Variants in PRELID2 observed in about 807,000 individuals in gnomAD.
PRELID2 encodes PRELI domain containing 2.
A neutral mutation model predicts 28.4 loss-of-function variants in PRELID2; 25 were observed. That is an observed-to-expected ratio of 0.88 (90% confidence interval 0.64 to 1.23). The LOEUF is 1.23. Ranked by LOEUF, PRELID2 falls within the 50% of genes most tolerant of loss-of-function variation. The pLI, the probability that PRELID2 is intolerant of heterozygous loss-of-function variation, is 0.00. For missense variants in PRELID2, 201 were observed against 214.4 expected (o/e 0.94, Z 0.39); for synonymous variants, 76 against 71.6 (o/e 1.06, Z -0.31).
intron 4 of PRELID2, among the ~76,000 whole-genome samples, chr5:145,810,284 T>G (rs1753837729): frequency 6.6e-6 from 1 of 152,190 alleles, no homozygotes; most frequent in Non-Finnish European, 1.5e-5. Flanking sequence ...AAATAGAGCA[T>G]GAGCATGGCA....
chr5:145,765,715 G>GA (rs1757708901), intron 5 of PRELID2, among the ~76,000 whole-genome samples: 1 of 152,166 alleles, frequency 6.6e-6, no homozygotes, highest in South Asian at 2.1e-4. Flanking sequence ...CCCATGACAA[G>GA]AGTTGTTCCT....
intron 1 of PRELID2, among the ~76,000 whole-genome samples, chr5:145,531,511 T>C (rs2126661702): frequency 6.6e-6 from 1 of 152,264 alleles, no homozygotes; most frequent in South Asian, 2.1e-4. Flanking sequence ...GTGGCCATCG[T>C]CTCACCCTTC....
chr5:145,610,398 C>A (rs554419850), intron 1 of PRELID2, among the ~76,000 whole-genome samples: 10 of 152,204 alleles, frequency 6.6e-5, no homozygotes, highest in African/African-American at 2.4e-4. Context: ...TGCTTCTAGT[C>A]CACCATCTTG....
intron 1 of PRELID2, among the ~76,000 whole-genome samples, chr5:145,520,779 C>A (rs978952265): frequency 2.6e-5 from 4 of 152,098 alleles, no homozygotes; most frequent in Non-Finnish European, 5.9e-5. Context: ...ACAAGGATTG[C>A]CTGTTTTCAT....
At chr5:145,244,956 C>T in the PRELID2 span, among the ~76,000 whole-genome samples, 1 of 152,054 alleles carries the variant, frequency 6.6e-6, no homozygotes, top group African/African-American at 2.4e-5. Context: ...TATTTCTTCT[C>T]TGACTCATTT....
chr5:145,772,291 G>T (rs774863595), intron 5 of PRELID2, among the ~76,000 whole-genome samples: 3 of 151,934 alleles, frequency 2.0e-5, no homozygotes, highest in Non-Finnish European at 4.4e-5. Flanking sequence ...AGGCAATCAG[G>T]CTCAAGAATC....
chr5:145,723,440 C>T (rs113926571), intron 1 of PRELID2, among the ~76,000 whole-genome samples: 3,624 of 150,796 alleles, frequency 0.024, 136 homozygotes, highest in African/African-American at 0.084. Flanking sequence ...CATTTTGGAA[C>T]GTTTGCAAAA....
chr5:145,707,511 G>A (rs538744256), intron 1 of PRELID2, among the ~76,000 whole-genome samples: 98 of 152,198 alleles, frequency 6.4e-4, no homozygotes, highest in African/African-American at 2.3e-3. Flanking sequence ...AAAAATCTCC[G>A]CTAAGTTAGT....
chr5:145,788,206 C>T (rs1014032337), intron 5 of PRELID2, among the ~76,000 whole-genome samples: 10 of 152,212 alleles, frequency 6.6e-5, no homozygotes, highest in African/African-American at 2.4e-4. Flanking sequence ...CAGATTTCCA[C>T]CAACCACTAT....
chr5:145,453,449 C>T, the PRELID2 span, among the ~76,000 whole-genome samples: 4 of 152,102 alleles, frequency 2.6e-5, no homozygotes, highest in East Asian at 3.9e-4. Context: ...TCCCATTGCT[C>T]TTTTTTATTT....
the PRELID2 span, among the ~76,000 whole-genome samples, chr5:145,250,367 T>G: frequency 7.2e-5 from 11 of 152,148 alleles, no homozygotes; most frequent in African/African-American, 2.7e-4. Context: ...GTGCCAATGG[T>G]GCTAGAATTC....
the PRELID2 span, among the ~76,000 whole-genome samples, chr5:145,399,633 T>C: frequency 6.6e-6 from 1 of 152,106 alleles, no homozygotes; most frequent in African/African-American, 2.4e-5. Flanking sequence ...AGAGATCTTT[T>C]TCCCTCTCAT....
chr5:145,453,711 G>A, the PRELID2 span, among the ~76,000 whole-genome samples: 2,821 of 152,164 alleles, frequency 0.019, 74 homozygotes, highest in African/African-American at 0.064. Context: ...GAGAACACGC[G>A]GTGTTTGGTT....
intron 1 of PRELID2, among the ~76,000 whole-genome samples, chr5:145,504,030 G>C (rs1412152515): frequency 6.6e-6 from 1 of 152,152 alleles, no homozygotes; most frequent in Non-Finnish European, 1.5e-5. Context: ...GCTCAAAGAG[G>C]CTTGCCCAAT....
intron 1 of PRELID2, among the ~76,000 whole-genome samples, chr5:145,490,401 T>C (rs1752258549): frequency 6.6e-6 from 1 of 152,330 alleles, no homozygotes; most frequent in Admixed American, 6.5e-5. Flanking sequence ...GAATTTATAT[T>C]ATGGATGTAT....
At chr5:145,491,600 A>G (rs956700525) in intron 1 of PRELID2, among the ~76,000 whole-genome samples, 1 of 152,064 alleles carries the variant, frequency 6.6e-6, no homozygotes, top group African/African-American at 2.4e-5. Flanking sequence ...AATATATACA[A>G]TATATTATTA....
At chr5:145,805,837 C>T (rs575333998) in intron 4 of PRELID2, among the ~76,000 whole-genome samples, 6 of 152,246 alleles carry the variant, frequency 3.9e-5, no homozygotes, top group South Asian at 4.1e-4. Context: ...GTTACTATAC[C>T]GCATACTGTA....
the PRELID2 span, among the ~76,000 whole-genome samples, chr5:145,243,486 T>C: frequency 2.0e-5 from 3 of 152,060 alleles, no homozygotes; most frequent in African/African-American, 7.2e-5. Flanking sequence ...GTCCATTTTA[T>C]GTATTACAAT....
the PRELID2 span, among the ~76,000 whole-genome samples, chr5:145,455,511 T>A: frequency 9.8e-5 from 15 of 152,348 alleles, no homozygotes; most frequent in East Asian, 2.9e-3. Context: ...GGGGATAGCA[T>A]TGAATCTATA....
Sources: gnomAD v4.1 joint callset for allele counts (sites outside exome capture counted in the v4.1 genomes callset) on GRCh38, gnomAD v4.1.1 for gene constraint, MANE v1.5 for transcripts, NCBI Gene and HGNC (gene_info 2026-07-23, HGNC 2026-07-21) for gene names.